FAM149B1: variants seen among roughly 807,000 people sequenced by gnomAD.
FAM149B1 encodes the protein family with sequence similarity 149 member B1, also known as primary cilium assembly protein FAM149B1.
FAM149B1 carries 56 observed loss-of-function variants against 75.3 expected under a neutral mutation model. The ratio of observed to expected loss-of-function variants is 0.74; its 90% CI spans 0.60 to 0.93. The LOEUF (loss-of-function observed/expected upper bound fraction) is 0.93, where lower values mean the gene tolerates loss of function less well. Ranked by LOEUF, FAM149B1 falls within the 40% of genes least tolerant of loss-of-function variation. FAM149B1 has a pLI of 0.00. For missense variants in FAM149B1, 639 were observed against 708.4 expected (o/e 0.90, Z 1.11); for synonymous variants, 259 against 256.1 (o/e 1.01, Z -0.11).
chr10:73,190,316 G>A (rs2042650766), intron 3 of FAM149B1, among the ~76,000 whole-genome samples: 1 of 151,452 alleles, frequency 6.6e-6, no homozygotes, highest in African/African-American at 2.4e-5. Context: ...TTTTTAGAGA[G>A]GGGTCTTGCT....
At chr10:73,190,205 A>G (rs916607254) in intron 3 of FAM149B1, among the ~76,000 whole-genome samples, 2 of 152,158 alleles carry the variant, frequency 1.3e-5, no homozygotes, top group African/African-American at 4.8e-5. Flanking sequence ...ATTTTAGAGA[A>G]TAAGAAAGAG....
At chr10:73,211,856 G>A (rs2043192213) in intron 7 of FAM149B1, among the ~76,000 whole-genome samples, 1 of 152,084 alleles carries the variant, frequency 6.6e-6, no homozygotes, top group Non-Finnish European at 1.5e-5. Context: ...TGAAATCTGG[G>A]TTTTTAGTGA....
intron 1 of FAM149B1, among the ~76,000 whole-genome samples, chr10:73,172,994 C>A (rs1843781583): frequency 6.6e-6 from 1 of 151,848 alleles, no homozygotes; most frequent in South Asian, 2.1e-4. Flanking sequence ...TGGTGAGTAC[C>A]TGTAGTCTCA....
At chr10:73,198,009 AC>A (rs979901863) in intron 5 of FAM149B1, among the ~76,000 whole-genome samples, 5 of 152,172 alleles carry the variant, frequency 3.3e-5, no homozygotes, top group African/African-American at 1.2e-4. Context: ...CTGAATTATA[AC>A]CCTTTAAAAA....
chr10:73,217,279 T>C (rs1490644992), intron 7 of FAM149B1, among the ~76,000 whole-genome samples: 2 of 152,208 alleles, frequency 1.3e-5, no homozygotes. Context: ...ATTGGAGGCA[T>C]ACATATTTTT....
intron 8 of FAM149B1, among the ~76,000 whole-genome samples, chr10:73,229,576 G>GA (rs1238680950): frequency 1.3e-5 from 2 of 152,034 alleles, no homozygotes; most frequent in Non-Finnish European, 2.9e-5. Flanking sequence ...CTCCGTCTCA[G>GA]AAAAAATAAG....
At chr10:73,182,983 C>G (rs2042436274) in intron 3 of FAM149B1, among the ~76,000 whole-genome samples, 1 of 152,300 alleles carries the variant, frequency 6.6e-6, no homozygotes, top group South Asian at 2.1e-4. Flanking sequence ...CTATCGCACA[C>G]CAGGCCTTCC....
intron 7 of FAM149B1, among the ~76,000 whole-genome samples, chr10:73,225,806 A>G (rs1437932843): frequency 6.6e-6 from 1 of 152,164 alleles, no homozygotes; most frequent in Non-Finnish European, 1.5e-5. Context: ...TTTGTACCAT[A>G]ATTTTATTGT....
rs1159059165 is a variant in FAM149B1 at position 73,228,447 on chromosome 10, C to T, written c.1023+263C>T. ...ACCTAGAATCAACCATGTGGTCAGCCTAAGTCTGTTTTGGGAAGAATGGAG... is the reference window on the plus strand; with the variant it reads ...ACCTAGAATCAACCATGTGGTCAGCTTAAGTCTGTTTTGGGAAGAATGGAG... On this transcript the variant is annotated intron_variant, in intron 8 of 13. Coordinates refer to ENST00000242505, the MANE Select transcript of FAM149B1 (RefSeq NM_173348.2). Among the ~76,000 whole-genome samples, 3 of 152,114 alleles carry T rather than the reference C, an allele frequency of 2.0e-5. No individual in the cohort carries two copies. The East Asian group carries it at 5.8e-4, about 29-fold the overall frequency.
At position 73,244,447 on chromosome 10, in the gene FAM149B1, G is replaced by C. The variant is rs2133426707; in HGVS notation, c.*3428G>C. On this transcript the variant is annotated 3_prime_UTR_variant, in exon 14 of 14. Coordinates refer to ENST00000242505, the MANE Select transcript of FAM149B1 (RefSeq NM_173348.2). ...GAGAGTTCAGGCTGCAATAAGCTGT[G>C]ATCATGCCTCTGCACTCCAGCCTGG... 6.6e-6 allele frequency: 1 copy of C among 150,698 alleles called. No homozygotes were observed. The highest frequency in any genetic ancestry group is 3.4e-3 in the Middle Eastern group (1 of 290). The allele number at this position is 150,698 out of a possible 1,614,324, so 9.3% of individuals were successfully genotyped here.
At position 73,243,654 on chromosome 10, in the gene FAM149B1, A is replaced by C; in HGVS notation, c.*2635A>C. On this transcript the variant is annotated 3_prime_UTR_variant, in exon 14 of 14. Transcript: ENST00000242505. ...TTTTTTGGAATGGTGAAAATGTCCT[A>C]CAATTGGTGTTAATAATTGTAAAAC... is the stretch of plus-strand genomic sequence containing the variant. The C allele has an allele frequency of 8.0e-7, 1 of 1,243,564 alleles. No individual in the cohort carries two copies. The highest frequency in any genetic ancestry group is 1.1e-6 in the Non-Finnish European group (1 of 888,306). 77.0% of individuals were successfully genotyped at this position (1,243,564 alleles called of 1,614,324 possible).
Position 73,243,379 on chromosome 10 carries a change from C to T in FAM149B1, c.*2360C>T, listed in dbSNP as rs932259682. ...GATGGCATCAATTTACACCTAAGGA[C>T]CTTTGAAGAGAAAAATTCCATTATT... is the stretch of plus-strand genomic sequence containing the variant. On this transcript the variant is annotated 3_prime_UTR_variant, in exon 14 of 14. Transcript: ENST00000242505. 6.2e-7 allele frequency: 1 copy of T among 1,612,204 alleles called. No individual in the cohort carries two copies. The highest frequency in any genetic ancestry group is 8.5e-7 in the Non-Finnish European group (1 of 1,179,728).
Position 73,209,215 on chromosome 10 carries a change from G to A in FAM149B1, c.710+429G>A, listed in dbSNP as rs551319810. 3.3e-5 allele frequency among the ~76,000 whole-genome samples: 5 copies of A among 152,284 alleles called. No homozygotes were observed. In the South Asian group the frequency reaches 6.2e-4, roughly 19 times the overall value. The stretch of plus-strand genomic sequence containing the variant: ...TGTAATCCCAGCACATTGGGAGGCC[G>A]AGGCAGGCAGATCACTTTGGGTCAG... On this transcript the variant is annotated intron_variant, in intron 6 of 13. Transcript: ENST00000242505.
At chr10:73,170,951 T>C (rs1214892884) in intron 1 of FAM149B1, among the ~76,000 whole-genome samples, 1 of 151,994 alleles carries the variant, frequency 6.6e-6, no homozygotes, top group South Asian at 2.1e-4. Context: ...TATTAACTAG[T>C]ATAGTTGTAT....
chr10:73,231,159 T>G (rs1257578555), intron 9 of FAM149B1: 2 of 152,334 alleles, frequency 1.3e-5, no homozygotes, highest in Admixed American at 6.5e-5. Flanking sequence ...CACGTTGTTG[T>G]GTATGACCTC....
chr10:73,209,709 C>T (rs1269572039), intron 6 of FAM149B1, among the ~76,000 whole-genome samples: 3 of 152,192 alleles, frequency 2.0e-5, no homozygotes, highest in Non-Finnish European at 4.4e-5. Flanking sequence ...CTTCACTATT[C>T]CTTGCTACCT....
intron 3 of FAM149B1, among the ~76,000 whole-genome samples, chr10:73,184,171 C>G (rs1408531475): frequency 6.6e-6 from 1 of 151,946 alleles, no homozygotes; most frequent in African/African-American, 2.4e-5. Context: ...AAATCAGATG[C>G]AAAAACTGCT....
chr10:73,238,027 T>C (rs1356386488), intron 12 of FAM149B1, among the ~76,000 whole-genome samples: 3 of 152,138 alleles, frequency 2.0e-5, no homozygotes, highest in African/African-American at 7.2e-5. Flanking sequence ...AAAAGGGAGA[T>C]AGCTAGTTGT....
intron 9 of FAM149B1, chr10:73,231,095 A>C (rs981039456): frequency 1.3e-5 from 2 of 152,598 alleles, no homozygotes; most frequent in African/African-American, 2.4e-5. Context: ...GGAACTAATG[A>C]ATGTTAGGAC....
Sources: gnomAD v4.1 joint callset for allele counts (sites outside exome capture counted in the v4.1 genomes callset) on GRCh38, gnomAD v4.1.1 for gene constraint, MANE v1.5 for transcripts, NCBI Gene and HGNC (gene_info 2026-07-23, HGNC 2026-07-21) for gene names.